KHNYN: variants seen among roughly 807,000 people sequenced by gnomAD.
The protein encoded by KHNYN is KH and NYN domain containing.
Under a neutral mutation model 62.7 loss-of-function variants are expected in KHNYN, and 42 were observed. The ratio of observed to expected loss-of-function variants is 0.67; its 90% CI spans 0.52 to 0.87. The LOEUF (loss-of-function observed/expected upper bound fraction) is 0.87, where lower values mean the gene tolerates loss of function less well. KHNYN is among the 40% of genes least tolerant of loss of function. KHNYN has a pLI of 0.00. For synonymous variants in KHNYN, 347 were observed against 345.6 expected (o/e 1.00, Z -0.04); for missense variants, 829 against 874.1 (o/e 0.95, Z 0.65).
At chr14:24,429,649 A>C, upstream of KHNYN, 1 of 1,128,678 alleles carries the variant, frequency 8.9e-7, no homozygotes. Flanking sequence ...TTGGGCCTAG[A>C]GCACCAGTGG....
intron 5 of KHNYN, among the ~76,000 whole-genome samples, chr14:24,434,715 A>T (rs1249381495): frequency 2.6e-5 from 4 of 152,146 alleles, no homozygotes; most frequent in Non-Finnish European, 5.9e-5. Context: ...AGACATTTGT[A>T]TGTCATTCCC....
At chr14:24,427,092 G>A (rs974007273), upstream of KHNYN, 2 of 152,578 alleles carry the variant, frequency 1.3e-5, no homozygotes, top group African/African-American at 2.4e-5. This position sits in a 1 kb window ranked among gnomAD's most constrained non-coding sequence, Gnocchi z 4.4. Context: ...AATCTCAGGT[G>A]GGGAGGTAAG....
intron 2 of KHNYN, among the ~76,000 whole-genome samples, 169 bp from the exon 3 acceptor site, chr14:24,431,294 A>G (rs775283144): frequency 6.6e-5 from 10 of 152,152 alleles, no homozygotes; most frequent in Admixed American, 1.3e-4. Flanking sequence ...GGATGGCTCA[A>G]TCATGTACCA....
At chr14:24,428,051 A>C, upstream of KHNYN, 1 of 1,523,210 alleles carries the variant, frequency 6.6e-7, no homozygotes, top group Non-Finnish European at 8.9e-7. Context: ...CCACTTTCCC[A>C]GGAGCTTCCT....
In KHNYN at chr14:24,432,452, G is replaced by A. The variant is rs142647127; in HGVS notation, c.1191G>A (p.Gly397=). ...AGCAGGGCATGGCACGGGGTCGGGGGCCTCAATGGAAACGAGGCGCCCGAG... is the reference window on the plus strand; with the variant it reads ...AGCAGGGCATGGCACGGGGTCGGGGACCTCAATGGAAACGAGGCGCCCGAG... The part of the protein sequence containing the change: ...DKQQGMARGR[G]PQWKRGARGG... The change falls in exon 3 of 8, where the codon GGG becomes GGA. Residue 397 remains glycine, a synonymous_variant. Coordinates refer to ENST00000553935, the MANE Select transcript of KHNYN (RefSeq NM_015299.3). The surrounding 1 kb of genome is among the most constrained non-coding windows in gnomAD (Gnocchi z 5.6). 9.9e-4 allele frequency: 1,597 copies of A among 1,613,480 alleles called. 2 individuals are homozygous for A. The highest frequency in any genetic ancestry group is 1.2e-3 in the Non-Finnish European group (1,470 of 1,179,884).
At chr14:24,428,407 TG>T (rs773201159), upstream of KHNYN, 162 of 1,613,464 alleles carry the variant, frequency 1.0e-4, no homozygotes, top group Non-Finnish European at 1.4e-4. Flanking sequence ...CACCAGGACC[TG>T]GGGGAAGCAG....
intron 1 of KHNYN, 62 bp downstream of exon 1, chr14:24,430,181 C>A (rs1371932503): frequency 8.2e-6 from 8 of 975,996 alleles, no homozygotes; most frequent in Non-Finnish European, 9.7e-6. Context: ...CGGAGTAGGC[C>A]CGGCCCGGGG....
rs184433294 is a variant in KHNYN, at chr14:24,438,341, T to A, written c.*1056T>A. ...ATGCTCTGCAATGACAATATTAATGTGATCCGACCCTAACATTTTCTCTAT... is the reference window on the plus strand; with the variant it reads ...ATGCTCTGCAATGACAATATTAATGAGATCCGACCCTAACATTTTCTCTAT... On this transcript the variant is annotated 3_prime_UTR_variant, in exon 8 of 8. Coordinates refer to ENST00000553935, the MANE Select transcript of KHNYN (RefSeq NM_015299.3). 1.7e-3 allele frequency: 260 copies of A among 152,768 alleles called. 2 individuals are homozygous for A. The highest frequency in any genetic ancestry group is 2.8e-4 in the Non-Finnish European group (19 of 68,044). 9.5% of individuals were successfully genotyped at this position (152,768 alleles called of 1,614,324 possible). A position where few individuals can be genotyped will look rare whatever the true frequency, so the allele number is the denominator to read the frequency against.
At position 24,440,595 on chromosome 14, in the gene KHNYN, C is replaced by A; in HGVS notation, c.*3310C>A. 1 of 1,435,272 alleles carries A rather than the reference C, an allele frequency of 7.0e-7. No homozygotes were observed. Among genetic ancestry groups the A allele is most frequent in the South Asian group, 1.2e-5 (1 of 80,386 alleles). 88.9% of individuals were successfully genotyped at this position (1,435,272 alleles called of 1,614,324 possible). ...CCCTTCCTCACTCTCCCCATGCTGA[C>A]TTGGCTCTGTAACAGAAGTGAGCAG... On this transcript the variant is annotated 3_prime_UTR_variant, in exon 8 of 8. Coordinates refer to ENST00000553935, the MANE Select transcript of KHNYN (RefSeq NM_015299.3).
chr14:24,434,408 T>C (rs117046983), intron 5 of KHNYN: 69,542 of 983,538 alleles, frequency 0.071, 2,596 homozygotes, highest in Middle Eastern at 0.12. Flanking sequence ...ATATAATTTT[T>C]TTTTGGTTTG....
At chr14:24,426,877 T>C (rs1399078325), upstream of KHNYN, 3 of 152,246 alleles carry the variant, frequency 2.0e-5, no homozygotes, top group Non-Finnish European at 2.9e-5. Flanking sequence ...ACAGGTACAG[T>C]GAAGATAACT....
chr14:24,430,026 C>G lies in KHNYN; in HGVS notation c.-111C>G, dbSNP rs559960512. The G allele has an allele frequency of 3.4e-4, 331 of 985,668 alleles. No homozygotes were observed. In the African/African-American group the frequency reaches 5.3e-3, roughly 16 times the overall value. 61.1% of individuals were successfully genotyped at this position (985,668 alleles called of 1,614,324 possible). Reference sequence around the variant, plus strand: ...CCGGGAAGGCCCGCCCAGATTCGGGCCCCCTGCCCTTGTCCCCTGGGCTGG... The same window carrying G: ...CCGGGAAGGCCCGCCCAGATTCGGGGCCCCTGCCCTTGTCCCCTGGGCTGG... On this transcript the variant is annotated 5_prime_UTR_variant, in exon 1 of 8. Transcript: ENST00000553935.
chr14:24,427,635 C>G, upstream of KHNYN: 1 of 742,276 alleles, frequency 1.3e-6, no homozygotes, highest in East Asian at 2.5e-5. The surrounding 1 kb of genome is among the most constrained non-coding windows in gnomAD (Gnocchi z 4.4). Context: ...CTCTACTCTT[C>G]TCTTAAACTT....
rs138745547 is a variant in KHNYN at position 24,435,233 on chromosome 14, G to A, written c.1578-839G>A. ...ATATGGAAGTCAGCATAAGACATAT[G>A]TGGAGAGCAGAGTGTAATCTGATTA... On this transcript the variant is annotated intron_variant, in intron 5 of 7. Transcript: ENST00000553935. 2.6e-5 allele frequency among the ~76,000 whole-genome samples: 4 copies of A among 152,358 alleles called. No homozygotes were observed. In the East Asian group the frequency reaches 7.7e-4, roughly 29 times the overall value.
chr14:24,439,272 C>T lies in KHNYN; in HGVS notation c.*1987C>T, dbSNP rs1252772860. 11 of 151,894 alleles carry T rather than the reference C, an allele frequency of 7.2e-5. No individual in the cohort carries two copies. Among genetic ancestry groups the T allele is most frequent in the Non-Finnish European group, 1.5e-5 (1 of 67,996 alleles). 9.4% of individuals were successfully genotyped at this position (151,894 alleles called of 1,614,324 possible). ...TCAGTGATGGTGGGTGTGCAGTAGA[C>T]CAAAAGTGTCTTCTGCCCTTTTGTG... On this transcript the variant is annotated 3_prime_UTR_variant, in exon 8 of 8. Coordinates refer to ENST00000553935, the MANE Select transcript of KHNYN (RefSeq NM_015299.3).
At chr14:24,428,640 A>G (rs1404068273), upstream of KHNYN, 6 of 1,273,950 alleles carry the variant, frequency 4.7e-6, no homozygotes, top group African/African-American at 1.5e-5. Flanking sequence ...GATTAGTGAA[A>G]GATGTAGGAA....
At chr14:24,435,698 T>G in intron 5 of KHNYN, 1 of 259,488 alleles carries the variant, frequency 3.9e-6, no homozygotes, top group Non-Finnish European at 7.5e-6. Flanking sequence ...AGGACTATGG[T>G]TGGCAGATAG....
rs2043308713 is a variant in KHNYN, at chr14:24,440,713, C to T, written c.*3428C>T. ...CTCTGTAATTGTAATCTCAGCTCTCCTAATCCCATCACTTCCCCAGCCCAG... is the reference window on the plus strand; with the variant it reads ...CTCTGTAATTGTAATCTCAGCTCTCTTAATCCCATCACTTCCCCAGCCCAG... On this transcript the variant is annotated 3_prime_UTR_variant, in exon 8 of 8. Coordinates refer to ENST00000553935, the MANE Select transcript of KHNYN (RefSeq NM_015299.3). 5.8e-6 allele frequency: 9 copies of T among 1,562,828 alleles called. No homozygotes were observed. Among genetic ancestry groups the T allele is most frequent in the Non-Finnish European group, 7.9e-6 (9 of 1,144,034 alleles).
chr14:24,441,199 C>T lies in KHNYN; in HGVS notation c.*3914C>T, dbSNP rs1410249448. The stretch of plus-strand genomic sequence containing the variant: ...CCAGGCGCCTGAATTTTAATCAGCT[C>T]CCTCATTTATTAACTCTCTGACTTG... On this transcript the variant is annotated 3_prime_UTR_variant, in exon 8 of 8. Transcript: ENST00000553935. 3.7e-6 allele frequency: 2 copies of T among 537,872 alleles called. No homozygotes were observed. The highest frequency in any genetic ancestry group is 4.4e-4 in the Middle Eastern group (1 of 2,276). 33.3% of individuals were successfully genotyped at this position (537,872 alleles called of 1,614,324 possible).
Sources: allele counts gnomAD v4.1 joint callset (sites outside exome capture counted in the v4.1 genomes callset), GRCh38; gene constraint gnomAD v4.1.1; non-coding constraint Gnocchi (gnomAD v3.1); transcripts MANE v1.5; gene names NCBI Gene and HGNC (gene_info 2026-07-23, HGNC 2026-07-21).